The following TAB1 variants were observed in gnomAD, a reference collection of about 807,000 sequenced individuals.
TAB1 encodes the protein TGF-beta-activated kinase 1 and MAP3K7-binding protein 1.
A neutral mutation model predicts 54.5 loss-of-function variants in TAB1; 30 were observed. The observed-to-expected ratio is 0.55, with a 90% CI of 0.41 to 0.75. The LOEUF (loss-of-function observed/expected upper bound fraction) is 0.75. Among genes scored for constraint, TAB1 ranks in the 30% least tolerant of loss-of-function variants. The probability of loss-of-function intolerance (pLI) is 0.00; values close to 1 mark genes in which losing one functional copy is unlikely to be tolerated. For synonymous variants in TAB1, 289 were observed against 286.9 expected (o/e 1.01, Z -0.07); for missense variants, 609 against 683.2 (o/e 0.89, Z 1.21).
chr22:39,435,468 A>G (rs2145690825), downstream of TAB1, among the ~76,000 whole-genome samples: 1 of 152,280 alleles, frequency 6.6e-6, no homozygotes, highest in East Asian at 1.9e-4. Flanking sequence ...CAGCCCCTGA[A>G]GGGCAGCGAT....
At chr22:39,426,045 G>A (rs1569201452) in intron 8 of TAB1, among the ~76,000 whole-genome samples, 1 of 151,998 alleles carries the variant, frequency 6.6e-6, no homozygotes, top group African/African-American at 2.4e-5. Flanking sequence ...TTTAAGTAGA[G>A]ACGGGGTTTC....
chr22:39,402,763 G>C (rs113297675), intron 1 of TAB1, among the ~76,000 whole-genome samples: 37 of 152,188 alleles, frequency 2.4e-4, no homozygotes, highest in African/African-American at 8.9e-4. Context: ...CGTTGCCTAG[G>C]CTGGTCATGA....
At chr22:39,401,775 C>T (rs1159076465) in intron 1 of TAB1, among the ~76,000 whole-genome samples, 5 of 152,172 alleles carry the variant, frequency 3.3e-5, no homozygotes, top group African/African-American at 1.2e-4. Context: ...GGCCCCTCCG[C>T]CCTCATGATG....
downstream of TAB1, chr22:39,436,375 A>G: frequency 2.6e-6 from 2 of 773,470 alleles, no homozygotes; most frequent in Non-Finnish European, 2.3e-6. Flanking sequence ...CCTGGCAAAG[A>G]GTTGGTATCC....
intron 5 of TAB1, 151 bp from the exon 6 acceptor site, chr22:39,418,581 A>C: frequency 1.6e-6 from 1 of 628,050 alleles, no homozygotes; most frequent in Non-Finnish European, 2.9e-6. Flanking sequence ...GCTGTCCCTA[A>C]CTGGTGACTC....
At chr22:39,427,992 C>G in intron 9 of TAB1, 29 bp from the exon 10 acceptor site, 1 of 1,553,440 alleles carries the variant, frequency 6.4e-7, no homozygotes, top group Non-Finnish European at 8.8e-7. Context: ...CAGCTGCTGC[C>G]TGAGGCCCCC....
chr22:39,427,882 G>A, intron 9 of TAB1, 139 bp from the exon 10 acceptor site: 2 of 799,300 alleles, frequency 2.5e-6, no homozygotes, highest in African/African-American at 1.7e-5. Context: ...GCCCCACTGG[G>A]CTTGGGGAGC....
chr22:39,421,042 CCCTCCCAGGTGCTGGTGTGTCCTGCT>C (rs1569199474), intron 7 of TAB1, among the ~76,000 whole-genome samples: 2 of 147,636 alleles, frequency 1.4e-5, no homozygotes, highest in Non-Finnish European at 3.0e-5. Context: ...TGTGTCCTGC[CCCTCCCAGGTGCTGGTGTGTCCTGCT>C]CCTCCTTCTT....
In TAB1 at chr22:39,426,893, A is replaced by C; in HGVS notation, c.1112A>C (p.Glu371Ala). The C allele has an allele frequency of 6.2e-7, 1 of 1,612,526 alleles. No individual in the cohort carries two copies. Among genetic ancestry groups the C allele is most frequent in the Non-Finnish European group, 8.5e-7 (1 of 1,179,900 alleles). The change falls in exon 9 of 11, where the codon GAA becomes GCA. Residue 371 changes from glutamate (E) to alanine (A), a missense_variant. Coordinates refer to ENST00000216160, the MANE Select transcript of TAB1 (RefSeq NM_006116.3). ...AGGAACTTTGGCTACCCGCTGGGCG[A>C]AATGAGCCAGCCCACACCGAGCCCA... ...LVRNFGYPLGEMSQPTPSPAP... is the reference protein window; with the variant it reads ...LVRNFGYPLGAMSQPTPSPAP...
chr22:39,425,873 C>CTT (rs756738890), intron 8 of TAB1, among the ~76,000 whole-genome samples: 7 of 134,622 alleles, frequency 5.2e-5, no homozygotes, highest in Admixed American at 2.3e-4. Flanking sequence ...ACGATATTTT[C>CTT]TTTTTTTTTT....
At chr22:39,434,947 C>T (rs528207528), downstream of TAB1, among the ~76,000 whole-genome samples, 10 of 152,252 alleles carry the variant, frequency 6.6e-5, no homozygotes, top group Non-Finnish European at 1.5e-4. Context: ...CGGGTACCTG[C>T]TGTGTGGGAG....
chr22:39,435,730 C>T (rs957818777), downstream of TAB1, among the ~76,000 whole-genome samples: 2 of 152,098 alleles, frequency 1.3e-5, no homozygotes, highest in Admixed American at 1.3e-4. Flanking sequence ...TCACATGGGC[C>T]GGGGAGCCTG....
chr22:39,428,132 A>G lies in TAB1; in HGVS notation c.1256A>G (p.Asn419Ser), dbSNP rs1206972394. The change falls in exon 10 of 11, where the codon AAC (asparagine) becomes AGC (serine). Residue 419 changes from asparagine (N) to serine (S), a missense_variant. Physicochemically the swap from Asn to Ser is conservative, Grantham distance 46 (BLOSUM62 1). Transcript: ENST00000216160. Reference sequence around the variant, plus strand: ...ATGCCCTCCCAGGGCCAGATGGTCAACGGGGCTCACAGTGCTTCCACCCTG... The same window carrying G: ...ATGCCCTCCCAGGGCCAGATGGTCAGCGGGGCTCACAGTGCTTCCACCCTG... ...LVMPSQGQMVNGAHSASTLDE... is the reference protein window; with the variant it reads ...LVMPSQGQMVSGAHSASTLDE... 3.7e-6 allele frequency: 6 copies of G among 1,613,602 alleles called. No individual in the cohort carries two copies. Among genetic ancestry groups the G allele is most frequent in the African/African-American group, 1.3e-5 (1 of 74,928 alleles).
chr22:39,427,933 C>T, intron 9 of TAB1, 88 bp from the exon 10 acceptor site: 1 of 1,322,420 alleles, frequency 7.6e-7, no homozygotes, highest in Non-Finnish European at 1.0e-6. Flanking sequence ...CAGGCACCAC[C>T]CCATCAGGCC....
In TAB1 at chr22:39,406,542, A is replaced by G. The variant is rs34656485; in HGVS notation, c.33+6707A>G. Among the ~76,000 whole-genome samples, 100 of 152,318 alleles carry G rather than the reference A, an allele frequency of 6.6e-4. 1 individual carries two copies. Among genetic ancestry groups the G allele is most frequent in the Admixed American group, 4.2e-3 (65 of 15,304 alleles). On this transcript the variant is annotated intron_variant, in intron 1 of 10. Coordinates refer to ENST00000216160, the MANE Select transcript of TAB1 (RefSeq NM_006116.3). ...CCTTTAGGGTAGATAGGACTTAAAA[A>G]GACAGAAAGGGACAGGCTTTGCCTT...
At chr22:39,402,593 C>T (rs1221925329) in intron 1 of TAB1, among the ~76,000 whole-genome samples, 1 of 152,150 alleles carries the variant, frequency 6.6e-6, no homozygotes, top group Non-Finnish European at 1.5e-5. Flanking sequence ...CTCACTGTCA[C>T]CCAGACTGGA....
chr22:39,405,881 T>A (rs894792478), intron 1 of TAB1, among the ~76,000 whole-genome samples: 1 of 152,194 alleles, frequency 6.6e-6, no homozygotes, highest in African/African-American at 2.4e-5. Context: ...TAGAACCTCC[T>A]GAGGTTCTCC....
At chr22:39,399,961 C>T (rs760834047) in intron 1 of TAB1, 126 bp downstream of exon 1, 10 of 1,058,752 alleles carry the variant, frequency 9.4e-6, no homozygotes, top group Admixed American at 2.2e-5. Flanking sequence ...GTGTCAGCCA[C>T]CTTCTCCTCT....
Position 39,415,633 on chromosome 22 carries a change from G to T in TAB1, c.304G>T (p.Val102Leu). ...QLNAEHAEAD[V>L]RRVLLQAFDV... ...GAATGCCGAGCACGCCGAGGCCGAT[G>T]TGCGGCGTGTGCTGCTGCAGGTAAT... Residue 102 changes from valine to leucine, a missense_variant, in exon 3 of 11, where the codon GTG (valine) becomes TTG (leucine). Coordinates refer to ENST00000216160, the MANE Select transcript of TAB1 (RefSeq NM_006116.3). The surrounding 1 kb of genome is among the most constrained non-coding windows in gnomAD (Gnocchi z 4.9). 1 of 1,610,858 alleles carries T rather than the reference G, an allele frequency of 6.2e-7. No individual in the cohort carries two copies.
Sources: allele counts gnomAD v4.1 joint callset (sites outside exome capture counted in the v4.1 genomes callset), GRCh38; gene constraint gnomAD v4.1.1; non-coding constraint Gnocchi (gnomAD v3.1); transcripts MANE v1.5; gene names NCBI Gene and HGNC (gene_info 2026-07-23, HGNC 2026-07-21).